HDAC8: variants seen among roughly 807,000 people sequenced by gnomAD.
The protein encoded by HDAC8 is histone deacetylase-like 1.
A neutral mutation model predicts 32.2 loss-of-function variants in HDAC8; 1 was observed. The ratio of observed to expected loss-of-function variants is 0.03; its 90% CI spans 0.01 to 0.15. The LOEUF is 0.15. Among genes scored for constraint, HDAC8 ranks in the 10% least tolerant of loss-of-function variants. The pLI is 1.00. For synonymous variants in HDAC8, 108 were observed against 113.9 expected (o/e 0.95, Z 0.33); for missense variants, 117 against 300.0 (o/e 0.39, Z 4.51).
At chrX:72,364,406 T>A (rs1167773859) in intron 9 of HDAC8, among the ~76,000 whole-genome samples, 6 of 111,821 alleles carry the variant, frequency 5.4e-5, no homozygotes, top group African/African-American at 1.6e-4. Flanking sequence ...CTGGGTCCTG[T>A]CAGTGTTTGT....
chrX:72,398,971 C>T (rs1311085021), intron 9 of HDAC8, among the ~76,000 whole-genome samples: 1 of 110,247 alleles, frequency 9.1e-6, no homozygotes, highest in Non-Finnish European at 1.9e-5. Flanking sequence ...CTGGCTCTTA[C>T]GTCTCAGGAC....
At chrX:72,387,191 A>C (rs782401444) in intron 9 of HDAC8, among the ~76,000 whole-genome samples, 11 of 112,574 alleles carry the variant, frequency 9.8e-5, no homozygotes, top group Non-Finnish European at 1.3e-4. Flanking sequence ...AGCTAAGCCT[A>C]GTTCCTTGGC....
chrX:72,333,623 G>T (rs2043594949), intron 10 of HDAC8, among the ~76,000 whole-genome samples: 1 of 108,321 alleles, frequency 9.2e-6, no homozygotes, highest in Admixed American at 9.8e-5. Flanking sequence ...CCTGGGAGGT[G>T]GAGGTTGTAG....
chrX:72,352,208 T>A lies in HDAC8; in HGVS notation c.1006-370A>T, dbSNP rs1475841283. Among the ~76,000 whole-genome samples the A allele has an allele frequency of 3.6e-5, 4 of 111,235 alleles. No homozygotes were observed. The Admixed American group carries it at 3.8e-4, about 11-fold the overall frequency. The stretch of plus-strand genomic sequence containing the variant: ...CCTTAGGATCTTTGCCATTGCTCTT[T>A]CCTGGGGACTGCAAAGGCCCTCCCC... On this transcript the variant is annotated intron_variant, in intron 9 of 10. Transcript: ENST00000373573.
At position 72,329,659 on chromosome X, in the gene HDAC8, C is replaced by A; in HGVS notation, c.*395G>T. ...GGATGGTCCTGAGGCCCAAACCCTGCCTGTCAGCTGCCTCCTGCCCTACAA... is the reference window on the plus strand; with the variant it reads ...GGATGGTCCTGAGGCCCAAACCCTGACTGTCAGCTGCCTCCTGCCCTACAA... On this transcript the variant is annotated 3_prime_UTR_variant, in exon 11 of 11. Coordinates refer to ENST00000373573, the MANE Select transcript of HDAC8 (RefSeq NM_018486.3). 1 of 1,184,598 alleles carries A rather than the reference C, an allele frequency of 8.4e-7. No individual in the cohort carries two copies. The highest frequency in any genetic ancestry group is 1.1e-6 in the Non-Finnish European group (1 of 881,300).
At chrX:72,523,488 C>G (rs782676455) in intron 4 of HDAC8, among the ~76,000 whole-genome samples, 15 of 111,281 alleles carry the variant, frequency 1.3e-4, no homozygotes, top group Non-Finnish European at 2.5e-4. Context: ...TCCTCTGATT[C>G]CTATACACTA....
chrX:72,450,916 G>A (rs1366990207), intron 9 of HDAC8, among the ~76,000 whole-genome samples: 2 of 111,360 alleles, frequency 1.8e-5, no homozygotes, highest in African/African-American at 6.5e-5. Flanking sequence ...AATCTGAAAT[G>A]TTCTAAAATA....
rs561411720 is a variant in HDAC8, at chrX:72,530,936, A to G, written c.438-35668T>C. Among the ~76,000 whole-genome samples, 104 of 112,347 alleles carry G rather than the reference A, an allele frequency of 9.3e-4. 4 individuals carry two copies. The Admixed American group carries it at 9.8e-3, about 11-fold the overall frequency. Reference sequence around the variant, plus strand: ...TAGAGCAATTAATTCTGTCTATGGGAGTCAGGAAGAACACCGTGAAGGTGA... The same window carrying G: ...TAGAGCAATTAATTCTGTCTATGGGGGTCAGGAAGAACACCGTGAAGGTGA... On this transcript the variant is annotated intron_variant, in intron 4 of 10. Transcript: ENST00000373573.
At chrX:72,412,565 G>A (rs1396396266) in intron 9 of HDAC8, among the ~76,000 whole-genome samples, 1 of 111,437 alleles carries the variant, frequency 9.0e-6, no homozygotes, top group Non-Finnish European at 1.9e-5. Context: ...ACTTTGGGTA[G>A]GGCCTTTAGG....
chrX:72,449,074 T>C (rs2047500470), intron 9 of HDAC8, among the ~76,000 whole-genome samples: 1 of 112,289 alleles, frequency 8.9e-6, no homozygotes, highest in African/African-American at 3.2e-5. Context: ...ACTGGGTATA[T>C]ACCCAAAGGA....
intron 9 of HDAC8, among the ~76,000 whole-genome samples, chrX:72,438,561 C>G (rs182648762): frequency 1.8e-5 from 2 of 111,162 alleles, no homozygotes; most frequent in African/African-American, 3.3e-5. Flanking sequence ...AGCTAAGAAC[C>G]CTGAAAACAG....
chrX:72,493,854 A>T (rs937578370), intron 5 of HDAC8, among the ~76,000 whole-genome samples: 4 of 110,511 alleles, frequency 3.6e-5, no homozygotes, highest in African/African-American at 1.3e-4. Flanking sequence ...ACAACACCAA[A>T]CTCAGCTAAT....
chrX:72,377,755 C>A (rs2045127151), intron 9 of HDAC8, among the ~76,000 whole-genome samples: 1 of 111,335 alleles, frequency 9.0e-6, no homozygotes, highest in Non-Finnish European at 1.9e-5. Flanking sequence ...TTTTTAAAAT[C>A]CATTTGACCA....
intron 4 of HDAC8, among the ~76,000 whole-genome samples, chrX:72,545,026 G>GGT (rs2050817834): frequency 9.0e-6 from 1 of 111,222 alleles, no homozygotes; most frequent in Non-Finnish European, 1.9e-5. Flanking sequence ...TCTCTTGGTA[G>GGT]ATAGTATCTT....
At chrX:72,473,203 T>A (rs782479995) in intron 7 of HDAC8, among the ~76,000 whole-genome samples, 2 of 112,376 alleles carry the variant, frequency 1.8e-5, no homozygotes, top group Non-Finnish European at 3.8e-5. Context: ...TATTTTCCAA[T>A]AACACCTTAA....
chrX:72,462,130 A>G lies in HDAC8; in HGVS notation c.911-32T>C, dbSNP rs1555991971. 3.7e-6 allele frequency: 4 copies of G among 1,070,047 alleles called. No homozygotes were observed. In the African/African-American group the frequency reaches 7.3e-5, roughly 20 times the overall value. The allele number at this position is 1,070,047 out of a possible 1,213,427, so 88.2% of individuals were successfully genotyped here. ...CCATCAAGAATTGTGAAGTTAGGAA[A>G]GAATAGTCATAAAACAGCAGGAGAG... is the stretch of plus-strand genomic sequence containing the variant. On this transcript the variant is annotated intron_variant, in intron 8 of 10. Coordinates refer to ENST00000373573, the MANE Select transcript of HDAC8 (RefSeq NM_018486.3).
At chrX:72,481,675 C>A (rs1376066299) in intron 7 of HDAC8, among the ~76,000 whole-genome samples, 2 of 109,058 alleles carry the variant, frequency 1.8e-5, no homozygotes, top group Non-Finnish European at 3.8e-5. Flanking sequence ...ACAATTTCAG[C>A]TCACTGCAAC....
At chrX:72,334,664 C>A (rs998546149) in intron 10 of HDAC8, among the ~76,000 whole-genome samples, 1 of 112,101 alleles carries the variant, frequency 8.9e-6, no homozygotes, top group African/African-American at 3.2e-5. Flanking sequence ...AAAAGAATAT[C>A]ATATGAGGCA....
At chrX:72,355,650 A>AG (rs782530756) in intron 9 of HDAC8, among the ~76,000 whole-genome samples, 1 of 111,996 alleles carries the variant, frequency 8.9e-6, no homozygotes, top group South Asian at 3.8e-4. Flanking sequence ...CCCAAGCTTG[A>AG]GTTCAGTTCA....
Sources: allele counts gnomAD v4.1 joint callset (sites outside exome capture counted in the v4.1 genomes callset), GRCh38; gene constraint gnomAD v4.1.1; transcripts MANE v1.5; gene names NCBI Gene and HGNC (gene_info 2026-07-23, HGNC 2026-07-21).